BHMT: variants seen among roughly 807,000 people sequenced by gnomAD.
BHMT encodes the protein betaine--homocysteine S-methyltransferase, also known as betaine--homocysteine S-methyltransferase 1.
In BHMT, 38 loss-of-function variants were observed where a neutral mutation model predicts 49.5. The ratio of observed to expected loss-of-function variants is 0.77; its 90% CI spans 0.59 to 1.01. BHMT has a LOEUF of 1.01. BHMT is among the 50% of genes least tolerant of loss of function. BHMT has a pLI of 0.00. For synonymous variants in BHMT, 166 were observed against 176.3 expected (o/e 0.94, Z 0.46); for missense variants, 426 against 495.7 (o/e 0.86, Z 1.34).
chr5:79,124,718 G>C (rs1223377445), intron 5 of BHMT, among the ~76,000 whole-genome samples: 1 of 152,142 alleles, frequency 6.6e-6, no homozygotes, highest in Non-Finnish European at 1.5e-5. Flanking sequence ...AAACTTCACA[G>C]CACCAAATTT....
At position 79,121,145 on chromosome 5, in the gene BHMT, C is replaced by T. The variant is rs912033373; in HGVS notation, c.478-73C>T. 3.3e-5 allele frequency: 50 copies of T among 1,527,752 alleles called. No homozygotes were observed. The Middle Eastern group carries it at 5.2e-4, about 16-fold the overall frequency. 94.6% of individuals were successfully genotyped at this position (1,527,752 alleles called of 1,614,324 possible). ...CAGCCTGGGTGAAAGAGCAAAACTC[C>T]GTCTCAAAAAAAAAAAAAAAATTGT... On this transcript the variant is annotated intron_variant, in intron 4 of 7. Transcript: ENST00000274353.
At chr5:79,122,715 T>TA (rs2112728461) in intron 5 of BHMT, among the ~76,000 whole-genome samples, 1 of 151,186 alleles carries the variant, frequency 6.6e-6, no homozygotes, top group East Asian at 1.9e-4. Flanking sequence ...TATATATATA[T>TA]AAAATATATA....
In BHMT at chr5:79,127,394, A is replaced by T. The variant is rs540845604; in HGVS notation, c.809-361A>T. 2.0e-5 allele frequency among the ~76,000 whole-genome samples: 3 copies of T among 152,190 alleles called. No homozygotes were observed. In the East Asian group the frequency reaches 5.8e-4, roughly 30 times the overall value. ...ATGGCAGCTGGCTTTCCCCAGGGTG[A>T]GTGCTCCAAGAAAGTGCAAGGCAGA... On this transcript the variant is annotated intron_variant, in intron 6 of 7. Transcript: ENST00000274353.
chr5:79,128,528 TTAAAAAAA>T (rs1429708644), intron 7 of BHMT, among the ~76,000 whole-genome samples: 3 of 133,002 alleles, frequency 2.3e-5, no homozygotes. Context: ...AGACCCTGTT[TTAAAAAAA>T]AAAAAAAAAA....
intron 6 of BHMT, 57 bp from the exon 7 acceptor site, chr5:79,127,698 T>C (rs1580275001): frequency 6.4e-7 from 1 of 1,562,658 alleles, no homozygotes; most frequent in Non-Finnish European, 8.7e-7. Flanking sequence ...GCTACTTATC[T>C]TGAATTTTTA....
At position 79,120,407 on chromosome 5, in the gene BHMT, G is replaced by A; in HGVS notation, c.343G>A (p.Asp115Asn). Residue 115 changes from aspartate (D) to asparagine (N), a missense_variant, in exon 4 of 8, where the codon GAT becomes AAT. By Grantham distance (23) the Asp-to-Asn change is conservative (BLOSUM62 1). Coordinates refer to ENST00000274353, the MANE Select transcript of BHMT (RefSeq NM_001713.3). ...CGCCCGACAAGTGGCTGATGAAGGAGATGCTTTGGTAGCAGGAGGAGTGAG... is the reference window on the plus strand; with the variant it reads ...CGCCCGACAAGTGGCTGATGAAGGAAATGCTTTGGTAGCAGGAGGAGTGAG... ...DIARQVADEG[D>N]ALVAGGVSQT... The A allele has an allele frequency of 6.2e-7, 1 of 1,613,970 alleles. No individual in the cohort carries two copies. Among genetic ancestry groups the A allele is most frequent in the Non-Finnish European group, 8.5e-7 (1 of 1,179,970 alleles).
chr5:79,112,147 A>G (rs1055870283), intron 1 of BHMT, among the ~76,000 whole-genome samples: 2 of 151,980 alleles, frequency 1.3e-5, no homozygotes, highest in Admixed American at 6.5e-5. Context: ...GCGCGCCCCC[A>G]GAGCGCCTCT....
rs964064078 is a variant in BHMT, at chr5:79,131,467, A to T, written c.*351A>T. 17 of 172,490 alleles carry T rather than the reference A, an allele frequency of 9.9e-5. No homozygotes were observed. The highest frequency in any genetic ancestry group is 3.8e-4 in the African/African-American group (16 of 42,276). The allele number at this position is 172,490 out of a possible 1,614,324, so 10.7% of individuals were successfully genotyped here. A position where few individuals can be genotyped will look rare whatever the true frequency, so the allele number is the denominator to read the frequency against. ...AAGAGGATGAGACATGAACTGTCATAAAGGACTCAGCAACCAGCCAGGGAC... is the reference window on the plus strand; with the variant it reads ...AAGAGGATGAGACATGAACTGTCATTAAGGACTCAGCAACCAGCCAGGGAC... On this transcript the variant is annotated 3_prime_UTR_variant, in exon 8 of 8. Transcript: ENST00000274353.
At chr5:79,128,095 C>T in intron 7 of BHMT, 112 bp downstream of exon 7, 2 of 1,286,310 alleles carry the variant, frequency 1.6e-6, no homozygotes, top group Non-Finnish European at 2.1e-6. Context: ...TCAGTCATCC[C>T]CAAATTCTCT....
At chr5:79,112,398 G>C (rs1272303294) in intron 1 of BHMT, among the ~76,000 whole-genome samples, 2 of 152,324 alleles carry the variant, frequency 1.3e-5, no homozygotes, top group African/African-American at 4.8e-5. Context: ...ATCTGTGTCC[G>C]AGGCCGCCGC....
intron 7 of BHMT, among the ~76,000 whole-genome samples, chr5:79,129,350 C>A (rs1198598791): frequency 6.6e-6 from 1 of 152,164 alleles, no homozygotes; most frequent in Non-Finnish European, 1.5e-5. Context: ...AAGCTGATGC[C>A]TGAGTTGAAT....
At chr5:79,129,498 G>A (rs1234893282) in intron 7 of BHMT, among the ~76,000 whole-genome samples, 1 of 152,234 alleles carries the variant, frequency 6.6e-6, no homozygotes, top group African/African-American at 2.4e-5. Context: ...CCCAGGAGGA[G>A]GAGGCAGCCT....
intron 7 of BHMT, among the ~76,000 whole-genome samples, chr5:79,129,390 A>G (rs910810761): frequency 2.6e-5 from 4 of 152,222 alleles, no homozygotes; most frequent in African/African-American, 9.6e-5. Flanking sequence ...TGCTAGAGGA[A>G]CAGCCCTCAG....
chr5:79,120,379 C>G lies in BHMT; in HGVS notation c.315C>G (p.Asp105Glu). The change falls in exon 4 of 8, where the codon GAC (aspartate) becomes GAG (glutamate). Residue 105 changes from aspartate (D) to glutamate (E), a missense_variant. Asp to Glu is a conservative substitution (Grantham distance 45). Around this residue, in one of 3 missense-constraint regions of BHMT, gnomAD observed 321 missense variants for 355.9 expected, o/e 0.90. Transcript: ENST00000274353. ...SGQEVNEAAC[D>E]IARQVADEGD... Reference sequence around the variant, plus strand: ...AGGAAGTCAATGAAGCTGCTTGCGACATCGCCCGACAAGTGGCTGATGAAG... The same window carrying G: ...AGGAAGTCAATGAAGCTGCTTGCGAGATCGCCCGACAAGTGGCTGATGAAG... 6.2e-7 allele frequency: 1 copy of G among 1,613,418 alleles called. No individual in the cohort carries two copies. Among genetic ancestry groups the G allele is most frequent in the East Asian group, 2.2e-5 (1 of 44,850 alleles).
chr5:79,125,978 A>C, intron 5 of BHMT, 68 bp from the exon 6 acceptor site: 2 of 1,468,640 alleles, frequency 1.4e-6, no homozygotes, highest in African/African-American at 2.8e-5. Context: ...TTCCTGATGA[A>C]GAGAGGAGAG....
At chr5:79,117,038 T>C (rs971974614) in intron 2 of BHMT, among the ~76,000 whole-genome samples, 2 of 152,208 alleles carry the variant, frequency 1.3e-5, no homozygotes, top group African/African-American at 4.8e-5. Flanking sequence ...GGAATCTGCC[T>C]TTCTGATAAT....
chr5:79,119,663 T>G (rs1756438469), intron 3 of BHMT: 1 of 267,466 alleles, frequency 3.7e-6, no homozygotes, highest in African/African-American at 2.2e-5. Context: ...TACAAATTCT[T>G]TCGTCCTTAA....
intron 5 of BHMT, among the ~76,000 whole-genome samples, chr5:79,125,261 T>C (rs941704962): frequency 1.3e-5 from 2 of 151,838 alleles, no homozygotes; most frequent in Non-Finnish European, 2.9e-5. Context: ...ATGGAGACCA[T>C]CCTGGCCAAC....
intron 7 of BHMT, among the ~76,000 whole-genome samples, chr5:79,130,319 T>C (rs1483096546): frequency 6.6e-6 from 1 of 152,110 alleles, no homozygotes; most frequent in Non-Finnish European, 1.5e-5. Context: ...GAACAAGAAA[T>C]CACATCAGTT....
Sources: gnomAD v4.1 joint callset for allele counts (sites outside exome capture counted in the v4.1 genomes callset) on GRCh38, gnomAD v4.1.1 for gene constraint, gnomAD v4.1.1 regional missense constraint, MANE v1.5 for transcripts, NCBI Gene and HGNC (gene_info 2026-07-23, HGNC 2026-07-21) for gene names.